Variants in STK39 observed in about 807,000 individuals in gnomAD.
The protein encoded by STK39 is STE20/SPS1-related proline-alanine-rich protein kinase.
Under a neutral mutation model 77.8 loss-of-function variants are expected in STK39, and 20 were observed. That is an observed-to-expected ratio of 0.26 (90% confidence interval 0.18 to 0.37). The LOEUF (loss-of-function observed/expected upper bound fraction) is 0.37. Ranked by LOEUF, STK39 falls within the 10% of genes least tolerant of loss-of-function variation. STK39 has a pLI of 1.00. For synonymous variants in STK39, 246 were observed against 234.1 expected, an observed-to-expected ratio of 1.05 and a Z score of -0.47; for missense variants, 479 against 656.5, an observed-to-expected ratio of 0.73 and a Z score of 2.95.
intron 1 of STK39, among the ~76,000 whole-genome samples, chr2:168,214,390 G>A (rs1482764879): frequency 2.0e-5 from 3 of 152,136 alleles, no homozygotes; most frequent in African/African-American, 7.2e-5. Flanking sequence ...ATTCTGGATA[G>A]TGTATCCAGA....
At chr2:167,962,591 A>T (rs1327106575) in intron 17 of STK39, among the ~76,000 whole-genome samples, 1 of 152,214 alleles carries the variant, frequency 6.6e-6, no homozygotes, top group African/African-American at 2.4e-5. Context: ...GGGAAGGAAA[A>T]CACGGACTTG....
intron 14 of STK39, among the ~76,000 whole-genome samples, chr2:168,039,169 G>T (rs1685037086): frequency 6.6e-6 from 1 of 152,110 alleles, no homozygotes; most frequent in Non-Finnish European, 1.5e-5. Context: ...ACAAAATGTG[G>T]TATATCCATA....
intron 14 of STK39, among the ~76,000 whole-genome samples, chr2:168,041,295 T>G (rs965837705): frequency 2.7e-5 from 4 of 150,182 alleles, no homozygotes; most frequent in Non-Finnish European, 5.9e-5. Context: ...AAAATATTAT[T>G]ATATTATTTA....
intron 8 of STK39, among the ~76,000 whole-genome samples, chr2:168,134,907 A>G (rs1217935879): frequency 6.6e-6 from 1 of 152,220 alleles, no homozygotes; most frequent in African/African-American, 2.4e-5. Flanking sequence ...GATGATCTAC[A>G]TTTAGGCAAG....
chr2:167,962,577 T>C (rs566028195), intron 17 of STK39, among the ~76,000 whole-genome samples: 1 of 152,282 alleles, frequency 6.6e-6, no homozygotes, highest in Admixed American at 6.5e-5. Flanking sequence ...TTTCAAGCTG[T>C]AATGGGAAGG....
chr2:168,087,452 A>C (rs1686398529), intron 10 of STK39, among the ~76,000 whole-genome samples: 1 of 152,206 alleles, frequency 6.6e-6, no homozygotes, highest in Admixed American at 6.5e-5. Flanking sequence ...ACTTTAAGTA[A>C]AGGGAAATTA....
chr2:168,139,408 T>TTATATATATATATATATATATATATATA (rs71003023), intron 7 of STK39, among the ~76,000 whole-genome samples: 179 of 144,448 alleles, frequency 1.2e-3, no homozygotes, highest in African/African-American at 4.5e-3. Context: ...TAAAAAAAAT[T>TTATATATATATATATATATATATATATA]TATATATATA....
In STK39 at chr2:168,120,814, T is replaced by C. The variant is rs149953047; in HGVS notation, c.1089+8727A>G. Among the ~76,000 whole-genome samples the C allele has an allele frequency of 2.4e-3, 373 of 152,302 alleles. 1 individual carries two copies. Among genetic ancestry groups the C allele is most frequent in the Middle Eastern group, 0.02 (6 of 294 alleles). ...GTGAGAAGCTGAGCTTCTGACGGTA[T>C]CTAACAACTGTTGATGCTAACCAAA... On this transcript the variant is annotated intron_variant, in intron 10 of 17. Transcript: ENST00000355999.
At chr2:168,174,005 T>G (rs545889171) in intron 2 of STK39, among the ~76,000 whole-genome samples, 75 of 152,372 alleles carry the variant, frequency 4.9e-4, no homozygotes, top group African/African-American at 1.6e-3. Context: ...CCTTTGCCAC[T>G]TAACTTTACA....
chr2:168,159,773 C>G (rs1407663818), intron 5 of STK39, among the ~76,000 whole-genome samples: 1 of 152,132 alleles, frequency 6.6e-6, no homozygotes, highest in African/African-American at 2.4e-5. Flanking sequence ...AAGTCGCATA[C>G]TCAAAAAGAT....
chr2:168,140,284 A>T lies in STK39; in HGVS notation c.840+5T>A, dbSNP rs1272273092. 6.2e-7 allele frequency: 1 copy of T among 1,610,566 alleles called. No homozygotes were observed. The highest frequency in any genetic ancestry group is 8.5e-7 in the Non-Finnish European group (1 of 1,176,894). On this transcript the variant is annotated splice_donor_5th_base_variant and intron_variant, in intron 7 of 17. Coordinates refer to ENST00000355999, the MANE Select transcript of STK39 (RefSeq NM_013233.3). ...CCCCGATGTAGTATTTCCAATTGTA[A>T]TTACTTTCATGGGAGGATATTTGTG...
At chr2:168,119,088 T>C (rs1443521641) in intron 10 of STK39, among the ~76,000 whole-genome samples, 1 of 152,162 alleles carries the variant, frequency 6.6e-6, no homozygotes, top group African/African-American at 2.4e-5. Flanking sequence ...CCTGTGAGCA[T>C]GTGAGTTCCT....
intron 1 of STK39, among the ~76,000 whole-genome samples, chr2:168,236,136 T>G (rs1690600405): frequency 6.6e-6 from 1 of 152,236 alleles, no homozygotes; most frequent in South Asian, 2.1e-4. Context: ...GACTTTTTAA[T>G]GATCACCATT....
intron 17 of STK39, among the ~76,000 whole-genome samples, chr2:167,962,250 A>C (rs188799964): frequency 1.3e-5 from 2 of 152,358 alleles, no homozygotes; most frequent in African/African-American, 4.8e-5. Flanking sequence ...AAATACTTTG[A>C]TCTTTTATTC....
intron 16 of STK39, among the ~76,000 whole-genome samples, chr2:167,982,154 T>A (rs569286071): frequency 6.6e-6 from 1 of 152,252 alleles, no homozygotes; most frequent in Admixed American, 6.5e-5. Context: ...ACATTCTTGT[T>A]ATAGGCGTCC....
At chr2:168,095,674 T>G (rs1234764473) in intron 10 of STK39, among the ~76,000 whole-genome samples, 2 of 142,672 alleles carry the variant, frequency 1.4e-5, no homozygotes, top group South Asian at 4.5e-4. Flanking sequence ...TCGCCCAGGC[T>G]GGAGTGCAGT....
At chr2:168,160,872 A>C (rs1025502065) in intron 5 of STK39, among the ~76,000 whole-genome samples, 2 of 150,996 alleles carry the variant, frequency 1.3e-5, no homozygotes, top group African/African-American at 2.4e-5. Context: ...TGCACACACA[A>C]AGCACTAACT....
chr2:168,085,309 C>T (rs992962092), intron 10 of STK39, among the ~76,000 whole-genome samples: 12 of 152,184 alleles, frequency 7.9e-5, no homozygotes, highest in African/African-American at 2.9e-4. Flanking sequence ...CAAAACTGGA[C>T]AGAACCCTGA....
intron 1 of STK39, among the ~76,000 whole-genome samples, chr2:168,202,924 T>C (rs899834440): frequency 6.6e-6 from 1 of 152,162 alleles, no homozygotes; most frequent in African/African-American, 2.4e-5. Flanking sequence ...TCAGATATAC[T>C]GATGAGTGCA....
Sources: gnomAD v4.1 joint callset for allele counts (sites outside exome capture counted in the v4.1 genomes callset) on GRCh38, gnomAD v4.1.1 for gene constraint, MANE v1.5 for transcripts, NCBI Gene and HGNC (gene_info 2026-07-23, HGNC 2026-07-21) for gene names.